Variants in MYH4 observed in about 807,000 individuals in gnomAD.
MYH4 encodes the protein myosin heavy chain 4, also known as myosin-4.
MYH4 carries 200 observed loss-of-function variants against 229.9 expected under a neutral mutation model. That is an observed-to-expected ratio of 0.87 (90% CI 0.78 to 0.98). The LOEUF (loss-of-function observed/expected upper bound fraction) is 0.98. Among genes scored for constraint, MYH4 ranks in the 50% least tolerant of loss-of-function variants. The pLI is 0.00. For missense variants in MYH4, 2,148 were observed against 2,332.6 expected, an observed-to-expected ratio of 0.92 and a Z score of 1.63; for synonymous variants, 761 against 834.6, an observed-to-expected ratio of 0.91 and a Z score of 1.52.
At chr17:10,460,879 G>T (rs1447321273) in intron 12 of MYH4, 37 bp downstream of exon 12, 4 of 1,610,776 alleles carry the variant, frequency 2.5e-6, no homozygotes, top group Non-Finnish European at 2.5e-6. Context: ...CACTATGTCA[G>T]CTTTGTCAAG....
In MYH4 at chr17:10,456,543, C is replaced by T; in HGVS notation, c.1910G>A (p.Gly637Glu). Residue 637 changes from glycine to glutamate, a missense_variant, in exon 17 of 40, where the codon GGA (glycine) becomes GAA (glutamate). By Grantham distance (98) the Gly-to-Glu change is moderately conservative. Coordinates refer to ENST00000255381, the MANE Select transcript of MYH4 (RefSeq NM_017533.2). The part of the protein sequence containing the change: ...AQTAEAEGGG[G>E]KKGGKKKGSS... Reference sequence around the variant, plus strand: ...ACCCTTCTTTTTGCCACCTTTCTTTCCACCACCACCCTCTAAAAAACAAAA... The same window carrying T: ...ACCCTTCTTTTTGCCACCTTTCTTTTCACCACCACCCTCTAAAAAACAAAA... 1 of 1,613,624 alleles carries T rather than the reference C, an allele frequency of 6.2e-7. No homozygotes were observed.
In MYH4 at chr17:10,444,587, A is replaced by G. The variant is rs954445302; in HGVS notation, c.5667+17T>C. On this transcript the variant is annotated intron_variant, in intron 39 of 39. Coordinates refer to ENST00000255381, the MANE Select transcript of MYH4 (RefSeq NM_017533.2). ...ATGTGCATCTGAACCTTTCATTTCC[A>G]CTGTGGAGATACTCACAGCCTCTTC... 3 of 1,605,106 alleles carry G rather than the reference A, an allele frequency of 1.9e-6. No homozygotes were observed. The highest frequency in any genetic ancestry group is 2.6e-6 in the Non-Finnish European group (3 of 1,173,076).
intron 17 of MYH4, among the ~76,000 whole-genome samples, 194 bp downstream of exon 17, chr17:10,456,291 T>A (rs1385046786): frequency 6.6e-6 from 1 of 152,202 alleles, no homozygotes; most frequent in Non-Finnish European, 1.5e-5. Flanking sequence ...TGAAGAGATA[T>A]GTAGTTTGTT....
intron 24 of MYH4, 46 bp downstream of exon 24, chr17:10,453,106 T>C (rs2072596292): frequency 6.2e-7 from 1 of 1,611,076 alleles, no homozygotes; most frequent in Non-Finnish European, 8.5e-7. Context: ...CATGTCACAA[T>C]TGTTTATTTC....
intron 34 of MYH4, 116 bp downstream of exon 34, chr17:10,447,697 TTGAAC>T: frequency 9.8e-7 from 1 of 1,018,282 alleles, no homozygotes; most frequent in Non-Finnish European, 1.4e-6. Context: ...ACTTTGAACT[TTGAAC>T]TGATTACCAT....
At chr17:10,468,603 A>G (rs2072790858) in intron 2 of MYH4, among the ~76,000 whole-genome samples, 1 of 152,232 alleles carries the variant, frequency 6.6e-6, no homozygotes, top group Admixed American at 6.5e-5. Flanking sequence ...GGATTCCATT[A>G]GTTTTGATTC....
Position 10,450,884 on chromosome 17 carries a change from G to C in MYH4, c.3877C>G (p.Arg1293Gly). Residue 1293 changes from arginine (R) to glycine (G), a missense_variant, in exon 29 of 40, where the codon CGA (arginine) becomes GGA (glycine). By Grantham distance (125) the Arg-to-Gly change is moderately radical. Coordinates refer to ENST00000255381, the MANE Select transcript of MYH4 (RefSeq NM_017533.2). ...ATAGCATCTTTTTCATCTAGCTGTC[G>C]TGAAAACTCACCTGTGGAAGACAAA... ...RLHTESGEFS[R>G]QLDEKDAMVS... 1 of 1,613,290 alleles carries C rather than the reference G, an allele frequency of 6.2e-7. No individual in the cohort carries two copies. Among genetic ancestry groups the C allele is most frequent in the Non-Finnish European group, 8.5e-7 (1 of 1,179,404 alleles).
At chr17:10,460,138 A>G in intron 13 of MYH4, 37 bp from the exon 14 acceptor site, 1 of 1,614,028 alleles carries the variant, frequency 6.2e-7, no homozygotes, top group East Asian at 2.2e-5. Flanking sequence ...TTTAAATTGA[A>G]AACAGTGATG....
At chr17:10,454,297 C>A (rs2072613095) in intron 22 of MYH4, among the ~76,000 whole-genome samples, 1 of 152,190 alleles carries the variant, frequency 6.6e-6, no homozygotes. Flanking sequence ...ATAATCTGAT[C>A]TGAGAGAAAG....
At chr17:10,466,016 C>T (rs1438106954) in intron 4 of MYH4, among the ~76,000 whole-genome samples, 3 of 151,830 alleles carry the variant, frequency 2.0e-5, no homozygotes, top group South Asian at 2.1e-4. Context: ...CCTCGTGATC[C>T]GCCCGCCTCG....
At position 10,452,117 on chromosome 17, in the gene MYH4, G is replaced by A; in HGVS notation, c.3562C>T (p.Gln1188Ter). 1.2e-6 allele frequency: 2 copies of A among 1,614,032 alleles called. No homozygotes were observed. Among genetic ancestry groups the A allele is most frequent in the East Asian group, 4.5e-5 (2 of 44,880 alleles). The change falls in exon 27 of 40, where the codon CAG (glutamine) becomes TAG (stop). Residue 1188 changes from glutamine to a stop codon, truncating the protein, a stop_gained. Coordinates refer to ENST00000255381, the MANE Select transcript of MYH4 (RefSeq NM_017533.2). LOFTEE classifies it high-confidence loss of function. Reference sequence around the variant, plus strand: ...AGAGCAGCTGCCGTGGCTTCGTGCTGCAGGGTGGACTCTTCCAGGTCCCTG... The same window carrying A: ...AGAGCAGCTGCCGTGGCTTCGTGCTACAGGGTGGACTCTTCCAGGTCCCTG... ...MRRDLEESTL[Q>*]HEATAAALRK...
Position 10,449,020 on chromosome 17 carries a change from A to G in MYH4, c.4209T>C (p.Asp1403=). The G allele has an allele frequency of 6.2e-7, 1 of 1,614,144 alleles. No homozygotes were observed. The highest frequency in any genetic ancestry group is 8.5e-7 in the Non-Finnish European group (1 of 1,180,014). The change falls in exon 31 of 40, where the codon GAT becomes GAC. Residue 1403 remains aspartate (D), a synonymous_variant. Coordinates refer to ENST00000255381, the MANE Select transcript of MYH4 (RefSeq NM_017533.2). ...TCACAGCTTCTACATGTTCTTCTGC[A>G]TCCTGCAGACGCTGGGCTAGCTTCT... ...AKKKLAQRLQ[D]AEEHVEAVNS...
In MYH4 at chr17:10,463,696, C is replaced by T. The variant is rs113506852; in HGVS notation, c.649-53G>A. 6.5e-4 allele frequency: 901 copies of T among 1,393,222 alleles called. 7 individuals carry two copies. The African/African-American group carries it at 0.012, about 18-fold the overall frequency. 86.3% of individuals were successfully genotyped at this position (1,393,222 alleles called of 1,614,324 possible). The stretch of plus-strand genomic sequence containing the variant: ...AGAAAAAAGTTGCAGTAAATAATTT[C>T]CCATTGACCTCTTTCCCTTCCCCAT... On this transcript the variant is annotated intron_variant, in intron 7 of 39. Coordinates refer to ENST00000255381, the MANE Select transcript of MYH4 (RefSeq NM_017533.2).
At chr17:10,463,019 A>G (rs1346406488) in intron 10 of MYH4, 51 bp from the exon 11 acceptor site, 7 of 1,599,830 alleles carry the variant, frequency 4.4e-6, no homozygotes, top group Middle Eastern at 1.7e-4. Flanking sequence ...TTGGTCATCA[A>G]AAACATTTCA....
At position 10,444,861 on chromosome 17, in the gene MYH4, C is replaced by T. The variant is rs1597413296; in HGVS notation, c.5505G>A (p.Lys1835=). ...GACCCTTGACAGCCTCAACATTGTG[C>T]TTCTGTTCACTTTCCACCTCACTTT... ...ELESEVESEQ[K]HNVEAVKGLR... Residue 1835 remains lysine (K), a synonymous_variant, in exon 38 of 40, where the codon AAG becomes AAA. Transcript: ENST00000255381. 1 of 1,614,090 alleles carries T rather than the reference C, an allele frequency of 6.2e-7. No individual in the cohort carries two copies. Among genetic ancestry groups the T allele is most frequent in the Non-Finnish European group, 8.5e-7 (1 of 1,180,016 alleles).
rs964624974 is a variant in MYH4, at chr17:10,457,596, C to T, written c.1721G>A (p.Gly574Asp). Reference protein sequence around the residue: ...NNFQKPKPAKGKPEAHFSLVH... With the variant: ...NNFQKPKPAKDKPEAHFSLVH... ...CAGTGAGAAGTGAGCCTCAGGCTTG[C>T]CTTTGGCAGGCTTGGGCTTCTGGAA... The change falls in exon 16 of 40, where the codon GGC becomes GAC. Residue 574 changes from glycine (G) to aspartate (D), a missense_variant. Transcript: ENST00000255381. 1.2e-6 allele frequency: 2 copies of T among 1,614,028 alleles called. No individual in the cohort carries two copies. Among genetic ancestry groups the T allele is most frequent in the African/African-American group, 1.3e-5 (1 of 74,922 alleles).
intron 14 of MYH4, 139 bp from the exon 15 acceptor site, chr17:10,459,560 T>C (rs760529755): frequency 1.8e-5 from 25 of 1,426,194 alleles, no homozygotes; most frequent in Non-Finnish European, 2.2e-5. Context: ...TATTATATAG[T>C]TCTAAACAAA....
At chr17:10,460,815 C>T (rs781730683) in intron 12 of MYH4, 101 bp downstream of exon 12, 3 of 1,280,454 alleles carry the variant, frequency 2.3e-6, no homozygotes, top group Non-Finnish European at 3.3e-6. Context: ...TACTTTTGCC[C>T]TTCACGAGCT....
chr17:10,446,915 G>A lies in MYH4; in HGVS notation c.5169+98C>T, dbSNP rs2072517548. On this transcript the variant is annotated intron_variant, in intron 35 of 39. Coordinates refer to ENST00000255381, the MANE Select transcript of MYH4 (RefSeq NM_017533.2). The stretch of plus-strand genomic sequence containing the variant: ...GTACATTTTCCAGAGCTCCAGGAAG[G>A]GACGAAGATTACTTTTTACTTTATA... 4.8e-6 allele frequency: 6 copies of A among 1,262,852 alleles called. No individual in the cohort carries two copies. In the Admixed American group the frequency reaches 1.2e-4, roughly 25 times the overall value. The allele number at this position is 1,262,852 out of a possible 1,614,324, so 78.2% of individuals were successfully genotyped here.
Sources: allele counts gnomAD v4.1 joint callset (sites outside exome capture counted in the v4.1 genomes callset), GRCh38; gene constraint gnomAD v4.1.1; transcripts MANE v1.5; gene names NCBI Gene and HGNC (gene_info 2026-07-23, HGNC 2026-07-21).